The following COL2A1 variants were observed in gnomAD, a reference collection of about 807,000 sequenced individuals.
The protein encoded by COL2A1 is collagen type II alpha 1 chain, also known as collagen alpha-1(II) chain.
COL2A1 carries 28 observed loss-of-function variants against 204.5 expected under a neutral mutation model. The ratio of observed to expected loss-of-function variants is 0.14; its 90% CI spans 0.10 to 0.19. The LOEUF is 0.19. Among genes scored for constraint, COL2A1 ranks in the 10% least tolerant of loss-of-function variants. The pLI is 1.00. For missense variants in COL2A1, 1,388 were observed against 2,027.5 expected (o/e 0.68, Z 6.06); for synonymous variants, 708 against 718.7 (o/e 0.99, Z 0.24).
chr12:47,986,695 G>A, intron 22 of COL2A1, 140 bp downstream of exon 22: 1 of 1,017,504 alleles, frequency 9.8e-7, no homozygotes, highest in South Asian at 1.3e-5. Context: ...GCCCTGTTAA[G>A]TCTCCTCCAG....
At position 47,975,561 on chromosome 12, in the gene COL2A1, A is replaced by G. The variant is rs966259355; in HGVS notation, c.3642T>C (p.Pro1214=). The part of the protein sequence containing the change: ...NPGPPGPPGP[P]GPGIDMSAFA... ...AGGCGGACATGTCGATGCCAGGGCCAGGGGGACCTGGAGGACCAGGGGGTC... is the reference window on the plus strand; with the variant it reads ...AGGCGGACATGTCGATGCCAGGGCCGGGGGGACCTGGAGGACCAGGGGGTC... The change falls in exon 51 of 54, where the codon CCT becomes CCC. Residue 1214 remains proline (P), a synonymous_variant. Coordinates refer to ENST00000380518, the MANE Select transcript of COL2A1 (RefSeq NM_001844.5). The G allele has an allele frequency of 1.3e-5, 21 of 1,603,172 alleles. No individual in the cohort carries two copies. The highest frequency in any genetic ancestry group is 1.7e-5 in the Non-Finnish European group (20 of 1,179,922).
At position 47,973,110 on chromosome 12, in the gene COL2A1, G is replaced by A; in HGVS notation, c.*297C>T. On this transcript the variant is annotated 3_prime_UTR_variant, in exon 54 of 54. Coordinates refer to ENST00000380518, the MANE Select transcript of COL2A1 (RefSeq NM_001844.5). The stretch of plus-strand genomic sequence containing the variant: ...AAGGGAGGTCTTCTGGCCTGGGCTG[G>A]GGGCAGTCACTCAGGGGGCATTTGA... 4.9e-6 allele frequency: 3 copies of A among 606,390 alleles called. No homozygotes were observed. Among genetic ancestry groups the A allele is most frequent in the Non-Finnish European group, 8.8e-6 (3 of 341,310 alleles). 37.6% of individuals were successfully genotyped at this position (606,390 alleles called of 1,614,324 possible).
rs1938572773 is a variant in COL2A1, at chr12:47,974,134, C to T, written c.4272G>A (p.Glu1424=). 7 of 1,613,910 alleles carry T rather than the reference C, an allele frequency of 4.3e-6. No individual in the cohort carries two copies. Among genetic ancestry groups the T allele is most frequent in the Non-Finnish European group, 5.9e-6 (7 of 1,180,018 alleles). ...QGSNDVEIRA[E]GNSRFTYTAL... ...CAGTGTACGTGAACCTGCTATTGCC[C>T]TCTGCCCGGATCTCCACGTCATTGG... is the stretch of plus-strand genomic sequence containing the variant. Residue 1424 remains glutamate (E), a synonymous_variant, in exon 53 of 54, where the codon GAG becomes GAA. Coordinates refer to ENST00000380518, the MANE Select transcript of COL2A1 (RefSeq NM_001844.5).
chr12:47,990,974 G>A (rs571880156), intron 16 of COL2A1, among the ~76,000 whole-genome samples: 2 of 152,320 alleles, frequency 1.3e-5, no homozygotes, highest in South Asian at 4.1e-4. Flanking sequence ...GATGCTTTAG[G>A]GGGAGCTCGT....
rs201575114 is a variant in COL2A1 at position 47,987,656 on chromosome 12, G to A, written c.1176C>T (p.Arg392=). 488 of 1,613,398 alleles carry A rather than the reference G, an allele frequency of 3.0e-4. No individual in the cohort carries two copies. The highest frequency in any genetic ancestry group is 1.5e-3 in the Admixed American group (89 of 59,940). ...GGGACCCAGGAGTACCAGGTTCACCGCGAGGACCTTGAGCACCTTCAGGAC... is the reference window on the plus strand; with the variant it reads ...GGGACCCAGGAGTACCAGGTTCACCACGAGGACCTTGAGCACCTTCAGGAC... ...ARGPEGAQGP[R]GEPGTPGSPG... is the part of the protein sequence containing the mutation. Residue 392 remains arginine, a synonymous_variant, in exon 19 of 54, where the codon CGC becomes CGT. Transcript: ENST00000380518. This position sits in a 1 kb window ranked among gnomAD's most constrained non-coding sequence, Gnocchi z 4.1.
intron 12 of COL2A1, 75 bp from the exon 13 acceptor site, chr12:47,994,122 C>T: frequency 6.6e-7 from 1 of 1,523,184 alleles, no homozygotes; most frequent in Non-Finnish European, 9.1e-7. Context: ...TGCAGGAGGG[C>T]CTCCAGTTCC....
At position 47,978,087 on chromosome 12, in the gene COL2A1, C is replaced by G; in HGVS notation, c.3034G>C (p.Ala1012Pro). Reference sequence around the variant, plus strand: ...CCAGGAGGACCTCTGTCTCCAGATGCTCCAGGAGCACCCTGCTTGCCGGGC... The same window carrying G: ...CCAGGAGGACCTCTGTCTCCAGATGGTCCAGGAGCACCCTGCTTGCCGGGC... The part of the protein sequence containing the change: ...GEPGKQGAPG[A>P]SGDRGPPGPV... The change falls in exon 44 of 54, where the codon GCA becomes CCA. Residue 1012 changes from alanine to proline, a missense_variant. By Grantham distance (27) the Ala-to-Pro change is conservative (BLOSUM62 -1). Transcript: ENST00000380518. This position sits in a 1 kb window ranked among gnomAD's most constrained non-coding sequence, Gnocchi z 5.5. 6.2e-7 allele frequency: 1 copy of G among 1,613,804 alleles called. No individual in the cohort carries two copies. Among genetic ancestry groups the G allele is most frequent in the Non-Finnish European group, 8.5e-7 (1 of 1,179,998 alleles).
At position 48,004,310 on chromosome 12, in the gene COL2A1, G is replaced by C; in HGVS notation, c.12C>G (p.Leu4=). The change falls in exon 1 of 54, where the codon CTC becomes CTG. Residue 4 remains leucine (L), a synonymous_variant. Coordinates refer to ENST00000380518, the MANE Select transcript of COL2A1 (RefSeq NM_001844.5). ...GCAGCACCAGCGTCTGGGGAGCCCCGAGGCGAATCATGGCTCACCGCGGGG... is the reference window on the plus strand; with the variant it reads ...GCAGCACCAGCGTCTGGGGAGCCCCCAGGCGAATCATGGCTCACCGCGGGG... MIR[L]GAPQTLVLLT... 6.5e-7 allele frequency: 1 copy of C among 1,548,306 alleles called. No individual in the cohort carries two copies.
intron 46 of COL2A1, 69 bp downstream of exon 46, chr12:47,977,251 G>A (rs1189347546): frequency 1.9e-6 from 3 of 1,583,670 alleles, no homozygotes; most frequent in African/African-American, 1.3e-5. Context: ...AGAGACTGCG[G>A]AAACCCAGGG....
At position 47,993,975 on chromosome 12, in the gene COL2A1, T is replaced by C; in HGVS notation, c.870+19A>G. 1.2e-6 allele frequency: 2 copies of C among 1,614,114 alleles called. No homozygotes were observed. Among genetic ancestry groups the C allele is most frequent in the Non-Finnish European group, 1.7e-6 (2 of 1,180,006 alleles). On this transcript the variant is annotated intron_variant, in intron 13 of 53. Coordinates refer to ENST00000380518, the MANE Select transcript of COL2A1 (RefSeq NM_001844.5). ...ACCAGGCATCTCTTCCTTCCAACCT[T>C]CTCACCCGTGATACTTACTCTGTGA... is the stretch of plus-strand genomic sequence containing the variant.
chr12:47,998,852 G>C (rs998729509), intron 2 of COL2A1: 3 of 194,822 alleles, frequency 1.5e-5, no homozygotes, highest in African/African-American at 7.1e-5. Context: ...TCTTACATTA[G>C]AGCTGGGTCT....
upstream of COL2A1, chr12:48,005,831 G>C (rs1663434123): frequency 6.6e-6 from 1 of 152,260 alleles, no homozygotes; most frequent in African/African-American, 2.4e-5. Flanking sequence ...TAGAAGCTGA[G>C]AGCACTTGAA....
chr12:47,979,460 C>T (rs779639285), intron 41 of COL2A1, 51 bp downstream of exon 41: 2 of 1,592,010 alleles, frequency 1.3e-6, no homozygotes, highest in South Asian at 2.2e-5. Flanking sequence ...GGGTGCTGGG[C>T]CAGGCTATTC....
At chr12:47,982,255 A>G (rs888123340) in intron 34 of COL2A1, 95 bp from the exon 35 acceptor site, 3 of 1,136,974 alleles carry the variant, frequency 2.6e-6, no homozygotes, top group Non-Finnish European at 4.0e-6. Context: ...GGGAAAGCCC[A>G]GTCCCTGCCC....
In COL2A1 at chr12:47,985,390, C is replaced by T. The variant is rs980274246; in HGVS notation, c.1734+144G>A. 5 of 881,280 alleles carry T rather than the reference C, an allele frequency of 5.7e-6. No individual in the cohort carries two copies. The African/African-American group carries it at 6.5e-5, about 12-fold the overall frequency. The allele number at this position is 881,280 out of a possible 1,614,324, so 54.6% of individuals were successfully genotyped here. On this transcript the variant is annotated intron_variant, in intron 26 of 53. Transcript: ENST00000380518. ...CTACTGCACAGGTTACATCTGGCCC[C>T]AGTGCCTACCATCTACCCCCTGTCA...
In COL2A1 at chr12:47,981,836, G is replaced by A. The variant is rs1345181283; in HGVS notation, c.2356-7C>T. 7 of 1,553,938 alleles carry A rather than the reference G, an allele frequency of 4.5e-6. No homozygotes were observed. Among genetic ancestry groups the A allele is most frequent in the Non-Finnish European group, 6.1e-6 (7 of 1,148,500 alleles). On this transcript the variant is annotated splice_region_variant and splice_polypyrimidine_tract_variant and intron_variant, in intron 35 of 53. Coordinates refer to ENST00000380518, the MANE Select transcript of COL2A1 (RefSeq NM_001844.5). ...CAATGGGACCTGTCAGGCCCTGCGG[G>A]GAGAGCAGGTAGAGGTGAGGGAGGC...
At position 47,975,232 on chromosome 12, in the gene COL2A1, C is replaced by T; in HGVS notation, c.3886+85G>A. 5.9e-6 allele frequency: 9 copies of T among 1,534,276 alleles called. No homozygotes were observed. In the South Asian group the frequency reaches 1.0e-4, roughly 18 times the overall value. ...CTTCCAGGCCCAGCTCTGCCCTGTA[C>T]TAGGGGGCATCTCCTCCCTTGCTGC... is the stretch of plus-strand genomic sequence containing the variant. On this transcript the variant is annotated intron_variant, in intron 51 of 53. Coordinates refer to ENST00000380518, the MANE Select transcript of COL2A1 (RefSeq NM_001844.5).
intron 12 of COL2A1, 53 bp downstream of exon 12, chr12:47,994,371 C>T: frequency 6.2e-7 from 1 of 1,602,744 alleles, no homozygotes; most frequent in Admixed American, 1.7e-5. Context: ...TTTAAGGCCA[C>T]AGGGAGGGAG....
chr12:47,984,668 C>A, intron 27 of COL2A1, 69 bp from the exon 28 acceptor site: 1 of 1,458,068 alleles, frequency 6.9e-7, no homozygotes, highest in South Asian at 1.1e-5. Context: ...GAGCGGGCTG[C>A]AGGGACTGAG....
Sources: allele counts gnomAD v4.1 joint callset (sites outside exome capture counted in the v4.1 genomes callset), GRCh38; gene constraint gnomAD v4.1.1; non-coding constraint Gnocchi (gnomAD v3.1); transcripts MANE v1.5; gene names NCBI Gene and HGNC (gene_info 2026-07-23, HGNC 2026-07-21).